B4GALT5: variants seen among roughly 807,000 people sequenced by gnomAD.
B4GALT5 encodes the protein beta-1,4-galactosyltransferase 5.
B4GALT5 carries 11 observed loss-of-function variants against 45.0 expected under a neutral mutation model. That is an observed-to-expected ratio of 0.24 (90% CI 0.15 to 0.40). The LOEUF (loss-of-function observed/expected upper bound fraction) is 0.40, where lower values mean the gene tolerates loss of function less well. Among genes scored for constraint, B4GALT5 ranks in the 10% least tolerant of loss-of-function variants. B4GALT5 has a pLI of 1.00. For missense variants in B4GALT5, 337 were observed against 500.2 expected (o/e 0.67, Z 3.11); for synonymous variants, 185 against 182.9 (o/e 1.01, Z -0.09).
chr20:49,694,652 GGGAAAA>G (rs1259503560), intron 1 of B4GALT5, among the ~76,000 whole-genome samples: 2,196 of 113,538 alleles, frequency 0.019, 59 homozygotes, highest in African/African-American at 0.071. Flanking sequence ...GAAAGGGAAA[GGGAAAA>G]GGAAAGGGAA....
intron 4 of B4GALT5, 46 bp downstream of exon 4, chr20:49,643,479 AC>A (rs2122999233): frequency 1.2e-6 from 2 of 1,604,584 alleles, no homozygotes; most frequent in Non-Finnish European, 1.7e-6. Context: ...CCAAAGGCAA[AC>A]CCCAGGTGGG....
At chr20:49,658,690 C>T (rs893130937) in intron 1 of B4GALT5, among the ~76,000 whole-genome samples, 6 of 152,042 alleles carry the variant, frequency 3.9e-5, no homozygotes, top group Non-Finnish European at 7.4e-5. Flanking sequence ...CTAATGTTTC[C>T]CACCCATCCC....
intron 1 of B4GALT5, among the ~76,000 whole-genome samples, chr20:49,693,432 G>A (rs980649447): frequency 2.6e-5 from 4 of 152,282 alleles, no homozygotes; most frequent in East Asian, 1.9e-4. Flanking sequence ...GTTGCAGAGC[G>A]GGGACAAGAG....
At chr20:49,709,670 G>A (rs2085899542) in intron 1 of B4GALT5, among the ~76,000 whole-genome samples, 1 of 151,812 alleles carries the variant, frequency 6.6e-6, no homozygotes, top group Non-Finnish European at 1.5e-5. Context: ...TCTGGAGGCT[G>A]AAGCAGGAGA....
intron 1 of B4GALT5, among the ~76,000 whole-genome samples, chr20:49,702,498 G>C (rs1306596774): frequency 6.6e-6 from 1 of 152,134 alleles, no homozygotes. Flanking sequence ...ACAACCCACA[G>C]AATAGAAAAT....
At chr20:49,640,892 G>A (rs749366590) in intron 5 of B4GALT5, among the ~76,000 whole-genome samples, 15 of 152,114 alleles carry the variant, frequency 9.9e-5, no homozygotes, top group Non-Finnish European at 1.9e-4. Flanking sequence ...GAAAACCAAG[G>A]TGGGCGGATC....
rs1257465413 is a variant in B4GALT5, at chr20:49,635,248, G to T, written c.*1064C>A. 2 of 100,156 alleles carry T rather than the reference G, an allele frequency of 2.0e-5. No individual in the cohort carries two copies. The highest frequency in any genetic ancestry group is 8.4e-5 in the African/African-American group (2 of 23,944). 6.2% of individuals were successfully genotyped at this position (100,156 alleles called of 1,614,324 possible). ...ACCCCCGCCCCCCGCCCCCCGCCCCGCCATGCTGATGAAAAGACAGAACAC... is the reference window on the plus strand; with the variant it reads ...ACCCCCGCCCCCCGCCCCCCGCCCCTCCATGCTGATGAAAAGACAGAACAC... On this transcript the variant is annotated 3_prime_UTR_variant, in exon 9 of 9. Transcript: ENST00000371711.
chr20:49,684,700 T>C (rs760381070), intron 1 of B4GALT5: 14 of 511,642 alleles, frequency 2.7e-5, no homozygotes, highest in Non-Finnish European at 4.7e-5. Context: ...TTAAACGACA[T>C]ACTGAAGAGC....
At chr20:49,656,358 CTT>C (rs555565459) in intron 2 of B4GALT5, among the ~76,000 whole-genome samples, 1 of 152,170 alleles carries the variant, frequency 6.6e-6, no homozygotes, top group Non-Finnish European at 1.5e-5. Context: ...CTCAAGTACT[CTT>C]TTATAGCAAC....
chr20:49,713,540 A>C lies in B4GALT5; in HGVS notation c.115+36T>G, dbSNP rs894602937. 5 of 1,541,312 alleles carry C rather than the reference A, an allele frequency of 3.2e-6. No individual in the cohort carries two copies. In the African/African-American group the frequency reaches 6.9e-5, roughly 21 times the overall value. On this transcript the variant is annotated intron_variant, in intron 1 of 8. Coordinates refer to ENST00000371711, the MANE Select transcript of B4GALT5 (RefSeq NM_004776.4). The stretch of plus-strand genomic sequence containing the variant: ...GATTCCCCGGGTCCCTCAAGGCCAG[A>C]GCGGCAGCCGCCGCGGTCCCAAGCC...
intron 3 of B4GALT5, among the ~76,000 whole-genome samples, chr20:49,646,067 CAGGCACTTGTAGTCCT>C (rs1212222504): frequency 2.0e-5 from 3 of 152,158 alleles, no homozygotes; most frequent in Non-Finnish European, 4.4e-5. Flanking sequence ...GCATTGACAA[CAGGCACTTGTAGTCCT>C]AGCTCCTCAG....
intron 1 of B4GALT5, among the ~76,000 whole-genome samples, chr20:49,663,458 A>G (rs2085673416): frequency 6.6e-6 from 1 of 151,162 alleles, no homozygotes; most frequent in Non-Finnish European, 1.5e-5. Context: ...AAAAAAACAT[A>G]GGAAGAGTAA....
chr20:49,684,376 C>T (rs2085776775), intron 1 of B4GALT5, among the ~76,000 whole-genome samples: 1 of 152,104 alleles, frequency 6.6e-6, no homozygotes, highest in Non-Finnish European at 1.5e-5. Context: ...TCCTGGCTAA[C>T]ACAGTGAAAC....
chr20:49,713,492 G>A, intron 1 of B4GALT5, 84 bp downstream of exon 1: 4 of 1,382,096 alleles, frequency 2.9e-6, no homozygotes, highest in South Asian at 1.2e-5. Flanking sequence ...CCTCCCGGCC[G>A]GGGCCCCTTA....
At chr20:49,690,616 G>A (rs990945095) in intron 1 of B4GALT5, among the ~76,000 whole-genome samples, 2 of 151,540 alleles carry the variant, frequency 1.3e-5, no homozygotes, top group East Asian at 3.9e-4. Flanking sequence ...CCATATTCCT[G>A]AAGCTAAATT....
At chr20:49,638,444 TG>T in intron 7 of B4GALT5, among the ~76,000 whole-genome samples, 1 of 152,374 alleles carries the variant, frequency 6.6e-6, no homozygotes, top group African/African-American at 2.4e-5. Context: ...ATGAGGTTAC[TG>T]TTTACTTACT....
At chr20:49,694,658 A>AAAGGGAAAAGGAAAGGGAAAG (rs2085830545) in intron 1 of B4GALT5, among the ~76,000 whole-genome samples, 1 of 142,918 alleles carries the variant, frequency 7.0e-6, no homozygotes. Flanking sequence ...GAAAGGGAAA[A>AAAGGGAAAAGGAAAGGGAAAG]GGAAAGGGAA....
At chr20:49,677,199 G>A (rs530424935) in intron 1 of B4GALT5, among the ~76,000 whole-genome samples, 5 of 151,668 alleles carry the variant, frequency 3.3e-5, no homozygotes, top group East Asian at 3.9e-4. Flanking sequence ...AACCACACCC[G>A]CTATGGTGCA....
At chr20:49,642,338 C>T in intron 5 of B4GALT5, 130 bp downstream of exon 5, 1 of 720,718 alleles carries the variant, frequency 1.4e-6, no homozygotes, top group South Asian at 1.7e-5. Flanking sequence ...GCTCCCCCTT[C>T]AAACCTCAGG....
Sources: gnomAD v4.1 joint callset for allele counts (sites outside exome capture counted in the v4.1 genomes callset) on GRCh38, gnomAD v4.1.1 for gene constraint, MANE v1.5 for transcripts, NCBI Gene and HGNC (gene_info 2026-07-23, HGNC 2026-07-21) for gene names.